Variants in LRCH1 observed in about 807,000 individuals in gnomAD.
LRCH1 encodes the protein leucine rich repeats and calponin homology domain containing 1.
Under a neutral mutation model 94.9 loss-of-function variants are expected in LRCH1, and 23 were observed. The observed-to-expected ratio is 0.24, with a 90% CI of 0.17 to 0.34. The LOEUF is 0.34. Among genes scored for constraint, LRCH1 ranks in the 10% least tolerant of loss-of-function variants. LRCH1 has a pLI of 1.00. For synonymous variants in LRCH1, 364 were observed against 354.9 expected (o/e 1.03, Z -0.29); for missense variants, 790 against 945.9 (o/e 0.84, Z 2.16).
At position 46,650,207 on chromosome 13, in the gene LRCH1, C is replaced by T; in HGVS notation, c.314C>T (p.Ser105Phe). Reference sequence around the variant, plus strand: ...TTCTCTCCTTTTCTTATAGACTTATCTAAAAACAGACTGGTTGAAGTTCCA... The same window carrying T: ...TTCTCTCCTTTTCTTATAGACTTATTTAAAAACAGACTGGTTGAAGTTCCA... The part of the protein sequence containing the change: ...DLSDTVQADL[S>F]KNRLVEVPME... The change falls in exon 2 of 20, where the codon TCT becomes TTT. Residue 105 changes from serine (S) to phenylalanine (F), a missense_variant. This residue lies in a region of LRCH1 where 194 missense variants were observed against 293.5 expected (regional missense o/e 0.66). Coordinates refer to ENST00000389797, the MANE Select transcript of LRCH1 (RefSeq NM_001164211.2). 6.2e-7 allele frequency: 1 copy of T among 1,608,852 alleles called. No homozygotes were observed. The highest frequency in any genetic ancestry group is 8.5e-7 in the Non-Finnish European group (1 of 1,177,538).
At chr13:46,648,021 C>CTAT (rs958266671) in intron 1 of LRCH1, among the ~76,000 whole-genome samples, 1 of 152,044 alleles carries the variant, frequency 6.6e-6, no homozygotes, top group Non-Finnish European at 1.5e-5. Context: ...CACTTTATTT[C>CTAT]TATTATTACT....
intron 1 of LRCH1, among the ~76,000 whole-genome samples, chr13:46,597,138 G>T (rs1344370864): frequency 6.6e-6 from 1 of 152,174 alleles, no homozygotes; most frequent in Non-Finnish European, 1.5e-5. Flanking sequence ...TGGTGGATAT[G>T]TACAGAGCAG....
At chr13:46,665,506 C>T (rs1023054872) in intron 2 of LRCH1, among the ~76,000 whole-genome samples, 3 of 152,134 alleles carry the variant, frequency 2.0e-5, no homozygotes, top group Non-Finnish European at 2.9e-5. Flanking sequence ...ATGAAATAGA[C>T]AAATGAATCC....
intron 1 of LRCH1, among the ~76,000 whole-genome samples, chr13:46,603,880 C>T (rs901623029): frequency 6.6e-6 from 1 of 152,150 alleles, no homozygotes; most frequent in African/African-American, 2.4e-5. Context: ...TGGTCTTGAA[C>T]TCCTGGCCTC....
chr13:46,661,209 GAC>G (rs2051443670), intron 2 of LRCH1, among the ~76,000 whole-genome samples: 1 of 152,138 alleles, frequency 6.6e-6, no homozygotes, highest in Non-Finnish European at 1.5e-5. Context: ...TCTAAAGCCT[GAC>G]CCACCCGGTT....
chr13:46,608,710 C>T (rs767996971), intron 1 of LRCH1, among the ~76,000 whole-genome samples: 2 of 152,098 alleles, frequency 1.3e-5, no homozygotes, highest in African/African-American at 2.4e-5. Flanking sequence ...TACTTTTGCT[C>T]GTCTCTTGCT....
Position 46,576,808 on chromosome 13 carries a change from C to T in LRCH1, c.307+23105C>T, listed in dbSNP as rs147992924. Among the ~76,000 whole-genome samples the T allele has an allele frequency of 4.1e-3, 622 of 152,286 alleles. 5 individuals carry two copies. The highest frequency in any genetic ancestry group is 0.034 in the South Asian group (162 of 4,822). On this transcript the variant is annotated intron_variant, in intron 1 of 19. Transcript: ENST00000389797. Reference sequence around the variant, plus strand: ...TTTTTCATTACTTCATAAGAAATTGCCCCAAATTTGGTGGCTTAAAATGAT... The same window carrying T: ...TTTTTCATTACTTCATAAGAAATTGTCCCAAATTTGGTGGCTTAAAATGAT...
chr13:46,672,177 T>C (rs1260946774), intron 3 of LRCH1, among the ~76,000 whole-genome samples: 2 of 152,168 alleles, frequency 1.3e-5, no homozygotes, highest in African/African-American at 4.8e-5. Flanking sequence ...CACTTAGTAA[T>C]ATGCATTTAA....
At chr13:46,597,396 G>T (rs999348290) in intron 1 of LRCH1, among the ~76,000 whole-genome samples, 2 of 151,032 alleles carry the variant, frequency 1.3e-5, no homozygotes, top group Non-Finnish European at 2.9e-5. Flanking sequence ...TACTCTTGTC[G>T]CCCAGGCTGG....
At chr13:46,735,281 G>A (rs144644121) in intron 19 of LRCH1, among the ~76,000 whole-genome samples, 4 of 152,174 alleles carry the variant, frequency 2.6e-5, no homozygotes, top group East Asian at 3.9e-4. Context: ...ATATGTGAAC[G>A]CACTTACATA....
chr13:46,598,627 C>G (rs1433735048), intron 1 of LRCH1, among the ~76,000 whole-genome samples: 1 of 151,396 alleles, frequency 6.6e-6, no homozygotes, highest in Non-Finnish European at 1.5e-5. Context: ...AATAGCCTTG[C>G]TCTGGGTTTT....
At chr13:46,708,722 A>G (rs1167704190) in intron 13 of LRCH1, among the ~76,000 whole-genome samples, 1 of 152,184 alleles carries the variant, frequency 6.6e-6, no homozygotes, top group Non-Finnish European at 1.5e-5. Context: ...TCAGCCCAAG[A>G]CTGTTTTATT....
intron 18 of LRCH1, among the ~76,000 whole-genome samples, chr13:46,731,324 GC>G (rs1566255251): frequency 6.6e-6 from 1 of 152,064 alleles, no homozygotes; most frequent in South Asian, 2.1e-4. Context: ...TGCACCCTCT[GC>G]CCCCAGGGTT....
intron 1 of LRCH1, among the ~76,000 whole-genome samples, chr13:46,580,611 G>A (rs537445714): frequency 6.6e-6 from 1 of 152,156 alleles, no homozygotes; most frequent in Non-Finnish European, 1.5e-5. Flanking sequence ...TTTTGTAGCA[G>A]GGCTTGTATG....
chr13:46,726,887 G>GAAA (rs1566252170), intron 17 of LRCH1, among the ~76,000 whole-genome samples: 1 of 135,236 alleles, frequency 7.4e-6, no homozygotes, highest in Admixed American at 7.9e-5. Context: ...AAAAAAAAAG[G>GAAA]CAACTAAAAC....
chr13:46,585,552 C>CAAAAAAAAAA (rs35651253), intron 1 of LRCH1, among the ~76,000 whole-genome samples: 1 of 82,112 alleles, frequency 1.2e-5, no homozygotes, highest in Non-Finnish European at 2.7e-5. Context: ...GACTGCATCT[C>CAAAAAAAAAA]AAAAAAAAAA....
At chr13:46,735,790 TTTC>T (rs1411391574) in intron 19 of LRCH1, among the ~76,000 whole-genome samples, 340 of 25,294 alleles carry the variant, frequency 0.013, 24 homozygotes, top group African/African-American at 0.02. Flanking sequence ...TTCTTTTTCT[TTTC>T]TTTTTTTTTT....
intron 1 of LRCH1, among the ~76,000 whole-genome samples, chr13:46,644,043 C>A (rs2051191418): frequency 1.3e-5 from 2 of 152,160 alleles, no homozygotes; most frequent in South Asian, 4.1e-4. Flanking sequence ...TAAAGCTGTT[C>A]TTGCTTGGCC....
At chr13:46,750,526 C>CT in intron 18 of LRCH1, 2 of 1,514,116 alleles carry the variant, frequency 1.3e-6, no homozygotes, top group Non-Finnish European at 1.8e-6. Context: ...ATGTTTTATT[C>CT]TTTTTCCTTT....
Sources: gnomAD v4.1 joint callset for allele counts (sites outside exome capture counted in the v4.1 genomes callset) on GRCh38, gnomAD v4.1.1 for gene constraint, gnomAD v4.1.1 regional missense constraint, MANE v1.5 for transcripts, NCBI Gene and HGNC (gene_info 2026-07-23, HGNC 2026-07-21) for gene names.